Variants in CCDC60 observed in about 807,000 individuals in gnomAD.
CCDC60 encodes the protein coiled-coil domain-containing protein 60.
A neutral mutation model predicts 63.5 loss-of-function variants in CCDC60; 54 were observed. The observed-to-expected ratio is 0.85, with a 90% CI of 0.68 to 1.07. CCDC60 has a LOEUF of 1.07. CCDC60 is among the 50% of genes least tolerant of loss of function. CCDC60 has a pLI of 0.00. For synonymous variants in CCDC60, 206 were observed against 238.8 expected (o/e 0.86, Z 1.27); for missense variants, 651 against 684.3 (o/e 0.95, Z 0.54).
At chr12:119,374,988 A>G (rs766613000) in intron 1 of CCDC60, among the ~76,000 whole-genome samples, 1 of 152,252 alleles carries the variant, frequency 6.6e-6, no homozygotes, top group East Asian at 1.9e-4. Flanking sequence ...TCCTTACCGC[A>G]TACTGTATTA....
chr12:119,400,983 A>G (rs1161181176), intron 1 of CCDC60, among the ~76,000 whole-genome samples: 1 of 152,244 alleles, frequency 6.6e-6, no homozygotes, highest in East Asian at 1.9e-4. Context: ...GCTCAGTGAC[A>G]TGACAGACCT....
At chr12:119,433,262 AAT>A (rs1173752082) in intron 2 of CCDC60, 1 of 616,266 alleles carries the variant, frequency 1.6e-6, no homozygotes, top group African/African-American at 1.8e-5. Context: ...ATTAATTATT[AAT>A]AAAAGGTGAT....
chr12:119,394,887 A>C (rs1956223137), intron 1 of CCDC60, among the ~76,000 whole-genome samples: 1 of 152,222 alleles, frequency 6.6e-6, no homozygotes, highest in African/African-American at 2.4e-5. Context: ...GTTCCAAGAA[A>C]AGAGACTTGA....
chr12:119,461,877 G>A (rs996511479), intron 2 of CCDC60, among the ~76,000 whole-genome samples: 3 of 152,192 alleles, frequency 2.0e-5, no homozygotes, highest in Non-Finnish European at 4.4e-5. Context: ...GGAATTAAAT[G>A]AGAATTTGCT....
At chr12:119,435,741 A>T (rs965971519) in intron 2 of CCDC60, among the ~76,000 whole-genome samples, 5 of 152,202 alleles carry the variant, frequency 3.3e-5, no homozygotes, top group African/African-American at 1.2e-4. Context: ...GCTGCATAAC[A>T]AACTACCCCC....
intron 7 of CCDC60, among the ~76,000 whole-genome samples, chr12:119,515,561 T>G (rs1468670213): frequency 6.6e-6 from 1 of 152,102 alleles, no homozygotes; most frequent in Non-Finnish European, 1.5e-5. Context: ...ACTCCTGAAC[T>G]CAAGCAATCC....
Position 119,507,604 on chromosome 12 carries a change from A to ATTTT in CCDC60, c.883+2302_883+2303insTTTT, listed in dbSNP as rs1566050749. Among the ~76,000 whole-genome samples the ATTTT allele has an allele frequency of 1.3e-3, 34 of 25,188 alleles. 2 individuals are homozygous for ATTTT. Among genetic ancestry groups the ATTTT allele is most frequent in the African/African-American group, 7.4e-3 (31 of 4,212 alleles). The allele number at this position is 25,188 out of a possible 152,430, so 16.5% of individuals were successfully genotyped here. ...CACATATATATACATATATATATAT[A>ATTTT]TATATATATATTTTTTTTTTTTTTT... On this transcript the variant is annotated intron_variant, in intron 7 of 13. Coordinates refer to ENST00000327554, the MANE Select transcript of CCDC60 (RefSeq NM_178499.5).
chr12:119,505,180 A>C lies in CCDC60; in HGVS notation c.760A>C (p.Met254Leu), dbSNP rs1469930856. Reference protein sequence around the residue: ...ASGGSSPQSSMISVNPGSDEP... With the variant: ...ASGGSSPQSSLISVNPGSDEP... ...TGGGGGGTCCTCTCCCCAGAGCAGC[A>C]TGATCTCTGTGAACCCTGGCTCGGA... is the stretch of plus-strand genomic sequence containing the variant. The change falls in exon 7 of 14, where the codon ATG becomes CTG. Residue 254 changes from methionine to leucine, a missense_variant. Coordinates refer to ENST00000327554, the MANE Select transcript of CCDC60 (RefSeq NM_178499.5). 9.9e-6 allele frequency: 16 copies of C among 1,614,042 alleles called. No individual in the cohort carries two copies. The highest frequency in any genetic ancestry group is 1.3e-5 in the African/African-American group (1 of 74,928).
intron 2 of CCDC60, among the ~76,000 whole-genome samples, chr12:119,444,162 T>C (rs1687724427): frequency 6.6e-6 from 1 of 152,232 alleles, no homozygotes; most frequent in African/African-American, 2.4e-5. Flanking sequence ...CTATAGTTTG[T>C]TGTTTGCCTT....
intron 1 of CCDC60, among the ~76,000 whole-genome samples, chr12:119,353,940 G>T (rs1043705742): frequency 6.6e-6 from 1 of 151,978 alleles, no homozygotes; most frequent in Non-Finnish European, 1.5e-5. Context: ...TGGGTGTGGT[G>T]CTCACCCTCT....
At chr12:119,351,641 G>A (rs1955657666) in intron 1 of CCDC60, among the ~76,000 whole-genome samples, 1 of 152,176 alleles carries the variant, frequency 6.6e-6, no homozygotes, top group Non-Finnish European at 1.5e-5. Context: ...AGAACCAAGA[G>A]GTTAGTGCTA....
At chr12:119,508,774 C>T (rs1952128533) in intron 7 of CCDC60, among the ~76,000 whole-genome samples, 1 of 152,162 alleles carries the variant, frequency 6.6e-6, no homozygotes, top group Non-Finnish European at 1.5e-5. Context: ...ACAGGAGGGA[C>T]TAGACCTGAT....
At chr12:119,341,246 A>G (rs1276338495) in intron 1 of CCDC60, among the ~76,000 whole-genome samples, 2 of 150,096 alleles carry the variant, frequency 1.3e-5, no homozygotes, top group Non-Finnish European at 3.0e-5. Context: ...GAGTGTGTTC[A>G]TTACCTCCTG....
intron 5 of CCDC60, among the ~76,000 whole-genome samples, chr12:119,490,038 CGCCT>C (rs1205648861): frequency 1.3e-5 from 2 of 152,140 alleles, no homozygotes; most frequent in Admixed American, 6.5e-5. Flanking sequence ...CCTCATGATC[CGCCT>C]GCCTCGGCCT....
intron 13 of CCDC60, among the ~76,000 whole-genome samples, chr12:119,532,593 C>T (rs901104593): frequency 2.6e-5 from 4 of 151,912 alleles, no homozygotes; most frequent in African/African-American, 7.3e-5. Context: ...CTGACAGGCC[C>T]CAGCTTGTGA....
chr12:119,462,260 G>C (rs2136306475), intron 2 of CCDC60, among the ~76,000 whole-genome samples: 1 of 152,252 alleles, frequency 6.6e-6, no homozygotes, highest in Middle Eastern at 3.4e-3. Flanking sequence ...TATGCTCCCT[G>C]TACAGCTCCT....
chr12:119,489,088 A>G (rs977692293), intron 5 of CCDC60, among the ~76,000 whole-genome samples: 3 of 151,864 alleles, frequency 2.0e-5, no homozygotes, highest in African/African-American at 4.8e-5. Context: ...TCTCTTCCCA[A>G]CTCCACATTC....
chr12:119,523,033 C>G (rs2239904), intron 10 of CCDC60, 32 bp downstream of exon 10: 181,785 of 1,591,120 alleles, frequency 0.11, 11,531 homozygotes, highest in East Asian at 0.25. Context: ...AGGAACCACG[C>G]AAGAGGGAAT....
intron 3 of CCDC60, among the ~76,000 whole-genome samples, chr12:119,478,144 T>C (rs961809626): frequency 6.6e-5 from 10 of 151,832 alleles, no homozygotes; most frequent in African/African-American, 2.4e-4. Context: ...CAAAACCCCA[T>C]CTCTACTTAA....
Sources: allele counts gnomAD v4.1 joint callset (sites outside exome capture counted in the v4.1 genomes callset), GRCh38; gene constraint gnomAD v4.1.1; transcripts MANE v1.5; gene names NCBI Gene and HGNC (gene_info 2026-07-23, HGNC 2026-07-21).